Variants in RBFOX1 observed in about 807,000 individuals in gnomAD.
The protein encoded by RBFOX1 is RNA binding fox-1 homolog 1, also known as RNA binding protein fox-1 homolog 1.
RBFOX1 carries 8 observed loss-of-function variants against 57.7 expected under a neutral mutation model. That is an observed-to-expected ratio of 0.14 (90% CI 0.08 to 0.25). The LOEUF (loss-of-function observed/expected upper bound fraction) is 0.25. Ranked by LOEUF, RBFOX1 falls within the 10% of genes least tolerant of loss-of-function variation. The pLI is 1.00. For synonymous variants in RBFOX1, 326 were observed against 222.4 expected, an observed-to-expected ratio of 1.47 and a Z score of -4.15; for missense variants, 611 against 548.5, an observed-to-expected ratio of 1.11 and a Z score of -1.14.
At chr16:6,807,341 A>G (rs1487381805) in intron 3 of RBFOX1, among the ~76,000 whole-genome samples, 1 of 152,040 alleles carries the variant, frequency 6.6e-6, no homozygotes, top group Non-Finnish European at 1.5e-5. Flanking sequence ...ATAAATTGAT[A>G]ATGGGAATTT....
At chr16:7,361,931 T>G (rs2097330526) in intron 4 of RBFOX1, among the ~76,000 whole-genome samples, 1 of 151,426 alleles carries the variant, frequency 6.6e-6, no homozygotes, top group African/African-American at 2.4e-5. Flanking sequence ...TGTGTGTTAG[T>G]GTGTATGTGT....
rs542439086 is a variant in RBFOX1, at chr16:6,969,834, T to C, written c.-15-82223T>C. ...TGCCTCATCCTCGTTCTGGCCCTAA[T>C]TCTGAGTGTCAGCCATGTGTGAACC... On this transcript the variant is annotated intron_variant, in intron 3 of 15. Coordinates refer to ENST00000550418, the MANE Select transcript of RBFOX1 (RefSeq NM_018723.4). Among the ~76,000 whole-genome samples, 117 of 152,296 alleles carry C rather than the reference T, an allele frequency of 7.7e-4. 1 individual carries two copies. Among genetic ancestry groups the C allele is most frequent in the Admixed American group, 2.7e-3 (41 of 15,288 alleles).
At chr16:6,385,744 A>G (rs1189193876) in intron 2 of RBFOX1, among the ~76,000 whole-genome samples, 38 of 152,224 alleles carry the variant, frequency 2.5e-4, no homozygotes, top group Admixed American at 2.5e-3. Context: ...ACAGTGACTC[A>G]TGCGTCACGT....
intron 2 of RBFOX1, among the ~76,000 whole-genome samples, chr16:6,383,144 G>A (rs187763542): frequency 3.9e-5 from 6 of 152,284 alleles, no homozygotes; most frequent in East Asian, 1.9e-4. Context: ...TATGGGCTTC[G>A]CTCCCACAAC....
intron 4 of RBFOX1, among the ~76,000 whole-genome samples, chr16:5,969,817 T>C (rs1360620058): frequency 6.6e-6 from 1 of 152,058 alleles, no homozygotes; most frequent in Non-Finnish European, 1.5e-5. Context: ...TTTTTTTTTC[T>C]TTTGCTGCTG....
chr16:6,744,821 T>C (rs2073184408), intron 3 of RBFOX1, among the ~76,000 whole-genome samples: 1 of 151,968 alleles, frequency 6.6e-6, no homozygotes, highest in Non-Finnish European at 1.5e-5. Context: ...AAGTAGAAGA[T>C]AGGAAATAAA....
intron 3 of RBFOX1, among the ~76,000 whole-genome samples, chr16:6,661,184 A>C (rs1401418610): frequency 2.6e-5 from 4 of 152,196 alleles, no homozygotes; most frequent in Non-Finnish European, 5.9e-5. Context: ...TACTATGAGC[A>C]ATCCAAATGA....
rs73541041 is a variant in RBFOX1 at position 7,039,239 on chromosome 16, C to G, written c.-15-12818C>G. 4.6e-3 allele frequency among the ~76,000 whole-genome samples: 701 copies of G among 152,206 alleles called. 4 individuals are homozygous for G. Among genetic ancestry groups the G allele is most frequent in the African/African-American group, 0.016 (645 of 41,508 alleles). ...GTTTATTGTGCAAGTTTACGTATAA[C>G]AACAAATCCATTATTATTTTTTCTA... On this transcript the variant is annotated intron_variant, in intron 3 of 15. Transcript: ENST00000550418.
chr16:6,841,284 G>C (rs1283931345), intron 3 of RBFOX1, among the ~76,000 whole-genome samples: 1 of 152,156 alleles, frequency 6.6e-6, no homozygotes, highest in Non-Finnish European at 1.5e-5. Context: ...TGCGAGGTTT[G>C]ATAAGGACAT....
intron 5 of RBFOX1, among the ~76,000 whole-genome samples, chr16:7,533,724 C>G (rs1328847193): frequency 1.3e-5 from 2 of 152,182 alleles, no homozygotes; most frequent in African/African-American, 4.8e-5. Flanking sequence ...AGCATGATTT[C>G]TACTGAATGT....
chr16:7,019,083 T>C (rs1367377280), intron 3 of RBFOX1, among the ~76,000 whole-genome samples: 4 of 152,124 alleles, frequency 2.6e-5, no homozygotes, highest in Admixed American at 2.6e-4. Context: ...TGTGAGTGTG[T>C]GTATGTCTGT....
chr16:7,448,569 G>A (rs562304999), intron 4 of RBFOX1, among the ~76,000 whole-genome samples: 5 of 152,232 alleles, frequency 3.3e-5, no homozygotes, highest in Middle Eastern at 3.4e-3. Context: ...ACCTCCAACC[G>A]GGTCCCTCCC....
chr16:5,422,205 A>G (rs1244237004), intron 1 of RBFOX1, among the ~76,000 whole-genome samples: 9 of 146,002 alleles, frequency 6.2e-5, no homozygotes, highest in African/African-American at 2.3e-4. Context: ...AGGAAGGAGA[A>G]AGGTGGAGGA....
chr16:6,058,313 C>T (rs1016983197), intron 1 of RBFOX1, among the ~76,000 whole-genome samples: 1 of 151,202 alleles, frequency 6.6e-6, no homozygotes, highest in South Asian at 2.1e-4. Flanking sequence ...TCCTCTTCTT[C>T]CTCCCTCCTC....
intron 1 of RBFOX1, among the ~76,000 whole-genome samples, chr16:6,283,477 T>C (rs2076601215): frequency 6.6e-6 from 1 of 152,192 alleles, no homozygotes. Context: ...ACATTAACAA[T>C]CAGAGGCCTG....
downstream of RBFOX1, among the ~76,000 whole-genome samples, chr16:5,603,725 C>T (rs78867051): frequency 5.3e-5 from 8 of 152,084 alleles, no homozygotes; most frequent in Admixed American, 3.9e-4. Flanking sequence ...ATGAAACATA[C>T]CTGTCTTTAA....
intron 1 of RBFOX1, among the ~76,000 whole-genome samples, chr16:5,455,885 A>G (rs562727385): frequency 6.6e-6 from 1 of 152,306 alleles, no homozygotes; most frequent in African/African-American, 2.4e-5. Context: ...GCCTTTGACT[A>G]TATCCTTCAC....
chr16:5,827,000 C>G (rs763033503), intron 3 of RBFOX1, among the ~76,000 whole-genome samples: 11 of 152,306 alleles, frequency 7.2e-5, no homozygotes, highest in Admixed American at 5.2e-4. Flanking sequence ...TGCTCACCAT[C>G]TCCCAGAGAA....
intron 3 of RBFOX1, among the ~76,000 whole-genome samples, chr16:6,893,063 G>A (rs569692348): frequency 2.0e-5 from 3 of 152,200 alleles, no homozygotes; most frequent in Admixed American, 6.5e-5. Flanking sequence ...TTTCTCTTCA[G>A]AACTTGTAAA....
Sources: gnomAD v4.1 joint callset for allele counts (sites outside exome capture counted in the v4.1 genomes callset) on GRCh38, gnomAD v4.1.1 for gene constraint, MANE v1.5 for transcripts, NCBI Gene and HGNC (gene_info 2026-07-23, HGNC 2026-07-21) for gene names.